PPFIBP1: variants seen among roughly 807,000 people sequenced by gnomAD.
PPFIBP1 encodes the protein liprin-beta-1.
A neutral mutation model predicts 137.8 loss-of-function variants in PPFIBP1; 112 were observed. The observed-to-expected ratio is 0.81, with a 90% CI of 0.70 to 0.95. The LOEUF (loss-of-function observed/expected upper bound fraction) is 0.95. Ranked by LOEUF, PPFIBP1 falls within the 40% of genes least tolerant of loss-of-function variation. PPFIBP1 has a pLI of 0.00. For missense variants in PPFIBP1, 1,083 were observed against 1,196.6 expected, an observed-to-expected ratio of 0.91 and a Z score of 1.40; for synonymous variants, 378 against 417.3, an observed-to-expected ratio of 0.91 and a Z score of 1.15.
At chr12:27,584,428 G>T (rs952631783) in intron 2 of PPFIBP1, 1 of 152,264 alleles carries the variant, frequency 6.6e-6, no homozygotes, top group African/African-American at 2.4e-5. Context: ...TTCAGCCTGC[G>T]CTGGGAACTC....
intron 2 of PPFIBP1, among the ~76,000 whole-genome samples, chr12:27,616,407 G>T (rs1667775192): frequency 6.6e-6 from 1 of 151,852 alleles, no homozygotes. Context: ...GCATTTTGGG[G>T]GTGATGTTCA....
At chr12:27,679,376 T>C in intron 19 of PPFIBP1, 113 bp from the exon 20 acceptor site, 2 of 1,052,578 alleles carry the variant, frequency 1.9e-6, no homozygotes, top group Non-Finnish European at 2.8e-6. Context: ...TCTTTGTAAG[T>C]CACTGATTAT....
rs758724482 is a variant in PPFIBP1, at chr12:27,689,110, CAACCTTCTGAT to C, written c.2593_2603del (p.Asn865TrpfsTer3). On this transcript the variant is annotated frameshift_variant, in exon 27 of 30. Coordinates refer to ENST00000228425, the MANE Select transcript of PPFIBP1 (RefSeq NM_003622.4). LOFTEE classifies it high-confidence loss of function. ...TGCGAAGACATTTGGCCACTCATTT[CAACCTTCTGAT>C]TGGGGCTGAGGCACAGCACCAGAAG... 1 of 1,610,924 alleles carries C rather than the reference CAACCTTCTGAT, an allele frequency of 6.2e-7. No individual in the cohort carries two copies. The highest frequency in any genetic ancestry group is 8.5e-7 in the Non-Finnish European group (1 of 1,179,310).
In PPFIBP1 at chr12:27,679,815, C is replaced by T. The variant is rs895911532; in HGVS notation, c.1767-118C>T. On this transcript the variant is annotated intron_variant, in intron 20 of 29. Transcript: ENST00000228425. ...TTAGTTAAAGTTTAAATTTAAATGT[C>T]TATGTTAACAACACAAAGAGGATTA... 3 of 1,407,810 alleles carry T rather than the reference C, an allele frequency of 2.1e-6. No individual in the cohort carries two copies. The East Asian group carries it at 7.0e-5, about 33-fold the overall frequency. 87.2% of individuals were successfully genotyped at this position (1,407,810 alleles called of 1,614,324 possible). A position where few individuals can be genotyped will look rare whatever the true frequency, so the allele number is the denominator to read the frequency against.
At chr12:27,609,725 G>A (rs1405793783) in intron 2 of PPFIBP1, among the ~76,000 whole-genome samples, 1 of 152,092 alleles carries the variant, frequency 6.6e-6, no homozygotes, top group African/African-American at 2.4e-5. Context: ...CACATTTTCA[G>A]CCTCATTTGC....
chr12:27,670,384 A>T (rs2060105031), intron 13 of PPFIBP1, among the ~76,000 whole-genome samples: 1 of 152,206 alleles, frequency 6.6e-6, no homozygotes, highest in African/African-American at 2.4e-5. Context: ...ACTTTTCATC[A>T]ATTATGTTAA....
intron 1 of PPFIBP1, among the ~76,000 whole-genome samples, chr12:27,570,461 G>C (rs751591396): frequency 6.6e-6 from 1 of 152,048 alleles, no homozygotes; most frequent in Non-Finnish European, 1.5e-5. Context: ...CATCTTGCTT[G>C]CTTCCTTTGA....
chr12:27,597,441 A>T (rs1416230071), intron 2 of PPFIBP1, among the ~76,000 whole-genome samples: 3 of 152,150 alleles, frequency 2.0e-5, no homozygotes, highest in Non-Finnish European at 4.4e-5. Flanking sequence ...GGCGTGAGCC[A>T]CCGCGACCGG....
At chr12:27,595,887 ATATATAT>A (rs1282223003) in intron 2 of PPFIBP1, among the ~76,000 whole-genome samples, 1,441 of 96,692 alleles carry the variant, frequency 0.015, 23 homozygotes, top group African/African-American at 0.045. Flanking sequence ...CAACAACAAA[ATATATAT>A]ATATATATAT....
chr12:27,566,940 T>G (rs1056959249), intron 1 of PPFIBP1, among the ~76,000 whole-genome samples: 1 of 152,242 alleles, frequency 6.6e-6, no homozygotes, highest in African/African-American at 2.4e-5. Context: ...TACTACTTTA[T>G]AATAAGTCTG....
intron 27 of PPFIBP1, 130 bp from the exon 28 acceptor site, chr12:27,691,619 T>C: frequency 1.6e-6 from 1 of 618,240 alleles, no homozygotes; most frequent in South Asian, 2.6e-5. Flanking sequence ...CTCTCTACCA[T>C]GGGGTAAATA....
intron 2 of PPFIBP1, among the ~76,000 whole-genome samples, chr12:27,611,457 C>T (rs1182592242): frequency 6.6e-6 from 1 of 152,142 alleles, no homozygotes; most frequent in East Asian, 1.9e-4. Flanking sequence ...AGGGCCCATC[C>T]GAATAATCTT....
chr12:27,658,849 G>A lies in PPFIBP1; in HGVS notation c.844+1G>A. 2 of 1,612,550 alleles carry A rather than the reference G, an allele frequency of 1.2e-6. No individual in the cohort carries two copies. The highest frequency in any genetic ancestry group is 1.7e-6 in the Non-Finnish European group (2 of 1,178,868). ...TTTAAAAAGAAGCTCAAAGAAAAAA[G>A]TAAGGTTTGGTGCATTTCCATCAGC... is the stretch of plus-strand genomic sequence containing the variant. On this transcript the variant is annotated splice_donor_variant, in intron 10 of 29. Transcript: ENST00000228425. LOFTEE classifies it high-confidence loss of function.
intron 5 of PPFIBP1, chr12:27,646,389 C>A: frequency 1.4e-5 from 7 of 508,348 alleles, no homozygotes; most frequent in African/African-American, 2.0e-5. Context: ...AATACGGGCA[C>A]AATGTTGTCT....
At chr12:27,671,737 G>T (rs1286714508) in intron 14 of PPFIBP1, among the ~76,000 whole-genome samples, 191 bp downstream of exon 14, 1 of 152,166 alleles carries the variant, frequency 6.6e-6, no homozygotes, top group Non-Finnish European at 1.5e-5. Flanking sequence ...AATAATAAGA[G>T]ATCAGGCTGG....
chr12:27,611,785 G>GCTCTCTCT (rs10549025), intron 2 of PPFIBP1, among the ~76,000 whole-genome samples: 1 of 138,032 alleles, frequency 7.2e-6, no homozygotes, highest in African/African-American at 2.8e-5. Context: ...TCAACACTGT[G>GCTCTCTCT]CTCTCTCTCT....
At chr12:27,531,119 A>G (rs306654) in intron 1 of PPFIBP1, among the ~76,000 whole-genome samples, 2,495 of 152,294 alleles carry the variant, frequency 0.016, 68 homozygotes, top group African/African-American at 0.056. Context: ...TTGTACGAGA[A>G]AAACAGGACT....
At chr12:27,661,641 C>T (rs572842086) in intron 11 of PPFIBP1, among the ~76,000 whole-genome samples, 21 of 152,278 alleles carry the variant, frequency 1.4e-4, no homozygotes, top group African/African-American at 3.9e-4. Context: ...GAACTTCTCT[C>T]CCCTTATCTG....
intron 13 of PPFIBP1, among the ~76,000 whole-genome samples, chr12:27,668,979 T>C (rs1433924113): frequency 6.6e-6 from 1 of 152,188 alleles, no homozygotes; most frequent in African/African-American, 2.4e-5. Flanking sequence ...ATTTCTTAAT[T>C]TTAGTGTAAT....
Sources: gnomAD v4.1 joint callset for allele counts (sites outside exome capture counted in the v4.1 genomes callset) on GRCh38, gnomAD v4.1.1 for gene constraint, MANE v1.5 for transcripts, NCBI Gene and HGNC (gene_info 2026-07-23, HGNC 2026-07-21) for gene names.